Variants in AGBL4 observed in about 807,000 individuals in gnomAD.
AGBL4 encodes cytosolic carboxypeptidase 6.
In AGBL4, 58 loss-of-function variants were observed where a neutral mutation model predicts 66.4. That is an observed-to-expected ratio of 0.87 (90% CI 0.71 to 1.09). The LOEUF (loss-of-function observed/expected upper bound fraction) is 1.09, where lower values mean the gene tolerates loss of function less well. Among genes scored for constraint, AGBL4 ranks in the 50% least tolerant of loss-of-function variants. AGBL4 has a pLI of 0.00. For missense variants in AGBL4, 579 were observed against 631.0 expected (o/e 0.92, Z 0.88); for synonymous variants, 234 against 222.9 (o/e 1.05, Z -0.44).
intron 9 of AGBL4, among the ~76,000 whole-genome samples, chr1:48,605,333 A>G (rs1006736634): frequency 1.3e-5 from 2 of 152,168 alleles, no homozygotes; most frequent in African/African-American, 4.8e-5. Flanking sequence ...CTCTCTGCTG[A>G]TAGGCAATCT....
chr1:49,372,353 C>A (rs1441734873), intron 3 of AGBL4, among the ~76,000 whole-genome samples: 1 of 152,160 alleles, frequency 6.6e-6, no homozygotes, highest in Non-Finnish European at 1.5e-5. Context: ...TCAGTTCAGT[C>A]ACTCTTGTGA....
chr1:49,586,662 CTGAA>C (rs10627291), intron 3 of AGBL4, among the ~76,000 whole-genome samples: 1 of 151,302 alleles, frequency 6.6e-6, no homozygotes, highest in African/African-American at 2.4e-5. Context: ...GACTGACTGA[CTGAA>C]TGAATGAATG....
chr1:49,468,509 A>G (rs958226972), intron 3 of AGBL4, among the ~76,000 whole-genome samples: 3 of 151,840 alleles, frequency 2.0e-5, no homozygotes, highest in South Asian at 4.1e-4. Flanking sequence ...GAAAATCACA[A>G]TCACAGGATA....
At chr1:49,001,163 C>T (rs1471213897) in intron 5 of AGBL4, among the ~76,000 whole-genome samples, 1 of 152,150 alleles carries the variant, frequency 6.6e-6, no homozygotes, top group Non-Finnish European at 1.5e-5. Context: ...TTTCGAGAAG[C>T]TTCTGTGGCC....
At chr1:49,027,271 C>T (rs1663779804) in intron 5 of AGBL4, among the ~76,000 whole-genome samples, 1 of 152,004 alleles carries the variant, frequency 6.6e-6, no homozygotes, top group African/African-American at 2.4e-5. Flanking sequence ...AGCGATTCTC[C>T]TGCCTAAGCT....
chr1:48,590,470 T>C (rs1002920929), intron 10 of AGBL4, among the ~76,000 whole-genome samples: 12 of 150,812 alleles, frequency 8.0e-5, no homozygotes, highest in Non-Finnish European at 1.5e-4. Flanking sequence ...GTGGGAGGAT[T>C]ACTTGATCTT....
intron 4 of AGBL4, among the ~76,000 whole-genome samples, chr1:49,141,917 G>C (rs1329238931): frequency 2.0e-5 from 3 of 152,068 alleles, no homozygotes; most frequent in African/African-American, 7.2e-5. Context: ...TCTTAAAAAA[G>C]GGTTCCCCAA....
intron 8 of AGBL4, among the ~76,000 whole-genome samples, chr1:48,653,007 T>A (rs1317277380): frequency 6.6e-6 from 1 of 152,110 alleles, no homozygotes; most frequent in Non-Finnish European, 1.5e-5. Context: ...GTAATTATTG[T>A]CTCCATTATG....
chr1:48,735,568 G>A (rs1648908526), intron 6 of AGBL4, among the ~76,000 whole-genome samples: 1 of 151,774 alleles, frequency 6.6e-6, no homozygotes, highest in Admixed American at 6.6e-5. Context: ...GAGGGAGGAA[G>A]AGAAAATTCC....
At chr1:50,019,128 T>G (rs973659528) in intron 1 of AGBL4, among the ~76,000 whole-genome samples, 4 of 152,088 alleles carry the variant, frequency 2.6e-5, no homozygotes, top group Non-Finnish European at 5.9e-5. Context: ...ATATGCAGTA[T>G]TGCCTTTCCA....
intron 9 of AGBL4, among the ~76,000 whole-genome samples, chr1:48,616,250 G>A (rs1282532526): frequency 1.3e-5 from 2 of 152,132 alleles, no homozygotes; most frequent in Non-Finnish European, 2.9e-5. Context: ...ATATCCAAGT[G>A]TTTCCTGTGC....
At chr1:49,416,800 T>C (rs1473825194) in intron 3 of AGBL4, among the ~76,000 whole-genome samples, 1 of 152,064 alleles carries the variant, frequency 6.6e-6, no homozygotes, top group Non-Finnish European at 1.5e-5. Context: ...GAGTAAAAGC[T>C]CAATGCATGT....
intron 3 of AGBL4, among the ~76,000 whole-genome samples, chr1:49,558,198 C>A (rs2148849359): frequency 6.6e-6 from 1 of 152,090 alleles, no homozygotes; most frequent in Non-Finnish European, 1.5e-5. Flanking sequence ...CAGCACATTA[C>A]CACCTGTGGT....
chr1:49,086,681 T>TCA (rs1233346169), intron 4 of AGBL4, among the ~76,000 whole-genome samples: 2 of 151,260 alleles, frequency 1.3e-5, no homozygotes, highest in African/African-American at 4.9e-5. Flanking sequence ...GCAACTCCAC[T>TCA]CACCCTTGCC....
At chr1:49,975,292 A>C (rs1658465119) in intron 1 of AGBL4, among the ~76,000 whole-genome samples, 2 of 152,228 alleles carry the variant, frequency 1.3e-5, no homozygotes, top group African/African-American at 4.8e-5. Flanking sequence ...TTTCATAATA[A>C]AATCTCATAC....
At chr1:48,839,683 T>C (rs150535996) in intron 6 of AGBL4, among the ~76,000 whole-genome samples, 67 of 152,218 alleles carry the variant, frequency 4.4e-4, no homozygotes, top group African/African-American at 1.5e-3. Context: ...TTTAACTTCT[T>C]CAACTTTGCA....
chr1:48,838,621 G>A (rs1273144224), intron 6 of AGBL4, among the ~76,000 whole-genome samples: 1 of 152,092 alleles, frequency 6.6e-6, no homozygotes, highest in East Asian at 1.9e-4. Flanking sequence ...TAGGACATTG[G>A]TCTAGGCAAA....
chr1:49,568,114 T>C (rs1317015111), intron 3 of AGBL4, among the ~76,000 whole-genome samples: 1 of 151,954 alleles, frequency 6.6e-6, no homozygotes, highest in Non-Finnish European at 1.5e-5. Flanking sequence ...TCATTCCCCC[T>C]AGATAGTATT....
intron 3 of AGBL4, among the ~76,000 whole-genome samples, chr1:49,483,558 A>G (rs1186622080): frequency 6.6e-6 from 1 of 152,004 alleles, no homozygotes; most frequent in Non-Finnish European, 1.5e-5. Context: ...ATGGAAAAGA[A>G]GAAAATTAAA....
Sources: allele counts gnomAD v4.1 joint callset (sites outside exome capture counted in the v4.1 genomes callset), GRCh38; gene constraint gnomAD v4.1.1; transcripts MANE v1.5; gene names NCBI Gene and HGNC (gene_info 2026-07-23, HGNC 2026-07-21).